LRMDA: variants seen among roughly 807,000 people sequenced by gnomAD.
LRMDA encodes leucine-rich melanocyte differentiation-associated protein.
In LRMDA, 18 loss-of-function variants were observed where a neutral mutation model predicts 29.8. The ratio of observed to expected loss-of-function variants is 0.60; its 90% CI spans 0.42 to 0.90. LRMDA has a LOEUF of 0.90. Among genes scored for constraint, LRMDA ranks in the 40% least tolerant of loss-of-function variants. LRMDA has a pLI of 0.00. For missense variants in LRMDA, 273 were observed against 273.9 expected (o/e 1.00, Z 0.02); for synonymous variants, 125 against 109.4 (o/e 1.14, Z -0.89).
intron 2 of LRMDA, among the ~76,000 whole-genome samples, chr10:75,599,743 G>A (rs1320727507): frequency 6.6e-6 from 1 of 152,240 alleles, no homozygotes; most frequent in Admixed American, 6.5e-5. Flanking sequence ...CACTTCAAAT[G>A]TGGGTACTGT....
Position 76,557,261 on chromosome 10 carries a change from C to G in LRMDA, c.654C>G (p.Asn218Lys). The G allele has an allele frequency of 4.3e-6, 7 of 1,614,074 alleles. No individual in the cohort carries two copies. The highest frequency in any genetic ancestry group is 5.9e-6 in the Non-Finnish European group (7 of 1,179,968). The change falls in exon 7 of 7, where the codon AAC becomes AAG. Residue 218 changes from asparagine to lysine, a missense_variant. Coordinates refer to ENST00000611255, the MANE Select transcript of LRMDA (RefSeq NM_001305581.2). ...ACTATGGGAAAAACTCAGAGGGCAA[C>G]AGGTTTATCCGAGATGACCAGCTCT... ...YVYYGKNSEG[N>K]RFIRDDQL is the part of the protein sequence containing the mutation.
At chr10:75,548,010 T>G (rs1269110483) in intron 2 of LRMDA, among the ~76,000 whole-genome samples, 1 of 152,096 alleles carries the variant, frequency 6.6e-6, no homozygotes, top group Admixed American at 6.6e-5. Flanking sequence ...CTAATTTGAT[T>G]GTAAGGCTTT....
intron 2 of LRMDA, among the ~76,000 whole-genome samples, chr10:75,639,909 C>T (rs1422978521): frequency 1.3e-5 from 2 of 152,150 alleles, no homozygotes; most frequent in Non-Finnish European, 2.9e-5. Flanking sequence ...CTGCATCATT[C>T]TGGGAAGAGA....
rs1424252609 is a variant in LRMDA, at chr10:76,418,581, T to C, written c.601+94096T>C. On this transcript the variant is annotated intron_variant, in intron 6 of 6. Transcript: ENST00000611255. ...CTGTACACAAATCTCCCTGTAATAA[T>C]TTTTTTCTTTATACCTATTCCTTTT... Among the ~76,000 whole-genome samples, 8 of 152,076 alleles carry C rather than the reference T, an allele frequency of 5.3e-5. No homozygotes were observed. The East Asian group carries it at 1.2e-3, about 22-fold the overall frequency.
intron 2 of LRMDA, among the ~76,000 whole-genome samples, chr10:75,588,897 T>G (rs1424672827): frequency 1.3e-5 from 2 of 152,246 alleles, no homozygotes; most frequent in African/African-American, 4.8e-5. Context: ...CTTGCTTTTT[T>G]GCATAACAAA....
At chr10:75,555,760 C>A (rs1184188311) in intron 2 of LRMDA, among the ~76,000 whole-genome samples, 3 of 152,062 alleles carry the variant, frequency 2.0e-5, no homozygotes, top group Non-Finnish European at 4.4e-5. Flanking sequence ...TGCAGGAATA[C>A]CTGGATGATG....
intron 2 of LRMDA, among the ~76,000 whole-genome samples, chr10:75,692,968 G>A (rs1842190188): frequency 6.6e-6 from 1 of 152,166 alleles, no homozygotes; most frequent in African/African-American, 2.4e-5. Context: ...GTCTTTGAAT[G>A]TGTGAGAGTG....
intron 2 of LRMDA, among the ~76,000 whole-genome samples, chr10:75,916,139 AAT>A (rs1389033554): frequency 2.0e-5 from 3 of 150,810 alleles, no homozygotes; most frequent in African/African-American, 7.3e-5. Context: ...GGCTGTCAGG[AAT>A]GGGCATGGCC....
Position 75,734,321 on chromosome 10 carries a change from G to A in LRMDA, c.131+295827G>A, listed in dbSNP as rs781269120. 1.6e-4 allele frequency among the ~76,000 whole-genome samples: 25 copies of A among 152,212 alleles called. 1 individual carries two copies. The South Asian group carries it at 2.9e-3, about 18-fold the overall frequency. On this transcript the variant is annotated intron_variant, in intron 2 of 6. Transcript: ENST00000611255. ...CATGGGCGTAGAGAAAACAATCACC[G>A]GAGCCACCATTTAGGAATGAAGCAG...
intron 2 of LRMDA, among the ~76,000 whole-genome samples, chr10:75,900,784 A>T (rs548748126): frequency 1.3e-5 from 2 of 151,564 alleles, no homozygotes; most frequent in East Asian, 3.9e-4. Context: ...CCACCCCCCC[A>T]CCTTTCTTTT....
intron 2 of LRMDA, among the ~76,000 whole-genome samples, chr10:75,583,999 T>A (rs1760716845): frequency 6.6e-6 from 1 of 152,174 alleles, no homozygotes; most frequent in South Asian, 2.1e-4. Flanking sequence ...CCATAGGGAC[T>A]GTCCTTCCTC....
chr10:76,309,935 T>C (rs553849789), intron 5 of LRMDA, among the ~76,000 whole-genome samples: 10 of 152,334 alleles, frequency 6.6e-5, no homozygotes, highest in African/African-American at 2.4e-4. Context: ...AAGAGGCCAT[T>C]CATCACGCTT....
chr10:76,099,906 A>G (rs1026542128), intron 5 of LRMDA, among the ~76,000 whole-genome samples: 8 of 152,060 alleles, frequency 5.3e-5, no homozygotes, highest in African/African-American at 1.7e-4. Context: ...AATAATATGT[A>G]TTTTTACTGT....
chr10:75,782,896 C>G (rs2132244488), intron 2 of LRMDA: 3 of 1,605,646 alleles, frequency 1.9e-6, no homozygotes, highest in Admixed American at 1.7e-5. Flanking sequence ...TGCTGTTGCT[C>G]TCATGCCTCT....
chr10:76,447,436 G>T (rs748402418), intron 6 of LRMDA, among the ~76,000 whole-genome samples: 28 of 151,934 alleles, frequency 1.8e-4, no homozygotes, highest in Non-Finnish European at 4.0e-4. Context: ...TTGAATTTTA[G>T]GTTGCTTGCT....
At chr10:75,862,802 A>G (rs1034611234) in intron 2 of LRMDA, among the ~76,000 whole-genome samples, 6 of 152,262 alleles carry the variant, frequency 3.9e-5, no homozygotes, top group African/African-American at 1.4e-4. Flanking sequence ...TACCCTCAGG[A>G]TGTTTTTCTG....
At chr10:75,630,164 C>T (rs571305336) in intron 2 of LRMDA, among the ~76,000 whole-genome samples, 3 of 152,304 alleles carry the variant, frequency 2.0e-5, no homozygotes, top group South Asian at 2.1e-4. Context: ...GGCAGACCCA[C>T]GGCCCTCCTG....
chr10:75,563,161 G>A (rs1840322107), intron 2 of LRMDA, among the ~76,000 whole-genome samples: 1 of 152,014 alleles, frequency 6.6e-6, no homozygotes, highest in South Asian at 2.1e-4. Flanking sequence ...TCACTTTCAG[G>A]TACACCAATC....
chr10:75,441,224 A>G (rs1399534227), intron 2 of LRMDA, among the ~76,000 whole-genome samples: 1 of 152,178 alleles, frequency 6.6e-6, no homozygotes, highest in Non-Finnish European at 1.5e-5. Context: ...CATGTTCTAT[A>G]GAAAGTTTCT....
Sources: allele counts gnomAD v4.1 joint callset (sites outside exome capture counted in the v4.1 genomes callset), GRCh38; gene constraint gnomAD v4.1.1; transcripts MANE v1.5; gene names NCBI Gene and HGNC (gene_info 2026-07-23, HGNC 2026-07-21).